Variants in PKHD1 observed in about 807,000 individuals in gnomAD.
PKHD1 encodes PKHD1 ciliary IPT domain containing fibrocystin/polyductin.
PKHD1 carries 291 observed loss-of-function variants against 412.0 expected under a neutral mutation model. The ratio of observed to expected loss-of-function variants is 0.71; its 90% confidence interval spans 0.64 to 0.78. The LOEUF (loss-of-function observed/expected upper bound fraction) is 0.78. Ranked by LOEUF, PKHD1 falls within the 30% of genes least tolerant of loss-of-function variation. The probability of loss-of-function intolerance (pLI) is 0.00; values close to 1 mark genes in which losing one functional copy is unlikely to be tolerated. For synonymous variants in PKHD1, 1,777 were observed against 1,821.5 expected (o/e 0.98, Z 0.62); for missense variants, 4,825 against 4,950.7 (o/e 0.97, Z 0.76).
intron 64 of PKHD1, 89 bp from the exon 65 acceptor site, chr6:51,632,812 A>C: frequency 1.0e-6 from 1 of 983,758 alleles, no homozygotes; most frequent in South Asian, 1.4e-5. Context: ...CATTCATAAT[A>C]GTATCTGGGA....
At chr6:51,731,618 A>C (rs1783246449) in intron 60 of PKHD1, among the ~76,000 whole-genome samples, 1 of 152,158 alleles carries the variant, frequency 6.6e-6, no homozygotes, top group Admixed American at 6.6e-5. Context: ...TTCATTTCTA[A>C]TCCTAGGAAC....
At chr6:51,731,663 G>C (rs143075994) in intron 60 of PKHD1, among the ~76,000 whole-genome samples, 31 of 152,154 alleles carry the variant, frequency 2.0e-4, no homozygotes, top group African/African-American at 7.5e-4. Flanking sequence ...ACTTATAAAA[G>C]GGTAATTTAC....
At chr6:51,690,534 T>G (rs1365593302) in intron 60 of PKHD1, among the ~76,000 whole-genome samples, 1 of 152,086 alleles carries the variant, frequency 6.6e-6, no homozygotes, top group African/African-American at 2.4e-5. Context: ...TATCTGATAT[T>G]TGATAAACCT....
At chr6:51,697,892 T>C (rs980626103) in intron 60 of PKHD1, among the ~76,000 whole-genome samples, 5 of 152,220 alleles carry the variant, frequency 3.3e-5, no homozygotes, top group African/African-American at 1.2e-4. Flanking sequence ...TAAATCCTCA[T>C]TAAGAAGTTG....
rs755643890 is a variant in PKHD1 at position 52,069,448 on chromosome 6, G to T, written c.778+9C>A. 6.3e-7 allele frequency: 1 copy of T among 1,591,702 alleles called. No individual in the cohort carries two copies. Among genetic ancestry groups the T allele is most frequent in the South Asian group, 1.1e-5 (1 of 90,612 alleles). ...AAGGGAAGGGGTACTTGGTGAAGGG[G>T]GATAGTACCTGAGTGTGTCTGGTAT... is the stretch of plus-strand genomic sequence containing the variant. On this transcript the variant is annotated intron_variant, in intron 11 of 66. Transcript: ENST00000371117.
intron 33 of PKHD1, 26 bp downstream of exon 33, chr6:52,022,773 AAT>A: frequency 1.2e-6 from 2 of 1,607,652 alleles, no homozygotes; most frequent in East Asian, 2.2e-5. Flanking sequence ...TATGCTTTAA[AAT>A]ATATGTGTGT....
intron 60 of PKHD1, among the ~76,000 whole-genome samples, chr6:51,682,008 GT>G (rs1420027611): frequency 6.6e-6 from 1 of 152,074 alleles, no homozygotes; most frequent in Non-Finnish European, 1.5e-5. Flanking sequence ...TTCAGCTTGA[GT>G]TCCTGCCAAC....
Position 52,073,991 on chromosome 6 carries a change from T to C in PKHD1, c.449-450A>G, listed in dbSNP as rs192268873. 2.6e-4 allele frequency among the ~76,000 whole-genome samples: 39 copies of C among 152,346 alleles called. No homozygotes were observed. The East Asian group carries it at 4.2e-3, about 17-fold the overall frequency. On this transcript the variant is annotated intron_variant, in intron 6 of 66. Transcript: ENST00000371117. ...CTCTGGGCATTTGCTAAAATGAACA[T>C]GTGATATGAAGAGGCTCATATCACA...
chr6:51,835,440 A>C (rs945816379), intron 51 of PKHD1, among the ~76,000 whole-genome samples: 3 of 152,198 alleles, frequency 2.0e-5, no homozygotes, highest in Non-Finnish European at 2.9e-5. Context: ...TTAATTGATT[A>C]CTTAGTAGTT....
At chr6:51,915,320 C>T (rs1363800044) in intron 37 of PKHD1, among the ~76,000 whole-genome samples, 1 of 152,038 alleles carries the variant, frequency 6.6e-6, no homozygotes, top group Admixed American at 6.6e-5. Context: ...GTAGGCAAAC[C>T]CTGTATATAA....
At chr6:51,711,107 C>T (rs557857464) in intron 60 of PKHD1, among the ~76,000 whole-genome samples, 2 of 152,294 alleles carry the variant, frequency 1.3e-5, no homozygotes, top group East Asian at 1.9e-4. Flanking sequence ...AGCATTCATA[C>T]GTGTGCAACC....
At position 51,659,674 on chromosome 6, in the gene PKHD1, A is replaced by C. The variant is rs545701882; in HGVS notation, c.10452T>G (p.Phe3484Leu). 1.2e-5 allele frequency: 19 copies of C among 1,613,714 alleles called. No individual in the cohort carries two copies. In the African/African-American group the frequency reaches 1.7e-4, roughly 15 times the overall value. ...MDQTPQVLRF[F>L]LLGNKSTSKL... ...TGGAGGTACTTTTGTTCCCCAATAG[A>C]AAAAAGCGCAAAACTTGAGGAGTTT... The change falls in exon 61 of 67, where the codon TTT becomes TTG. Residue 3484 changes from phenylalanine (F) to leucine (L), a missense_variant. Transcript: ENST00000371117.
rs117390090 is a variant in PKHD1, at chr6:51,665,485, T to A, written c.10157-5516A>T. ...AAATTAAATAATCCCACCAAACAAT[T>A]AGTCATCTCTGATAATACAAGCCTA... On this transcript the variant is annotated intron_variant, in intron 60 of 66. Coordinates refer to ENST00000371117, the MANE Select transcript of PKHD1 (RefSeq NM_138694.4). Among the ~76,000 whole-genome samples the A allele has an allele frequency of 1.6e-3, 236 of 152,216 alleles. 9 individuals carry two copies. The East Asian group carries it at 0.042, about 27-fold the overall frequency.
rs1305304437 is a variant in PKHD1 at position 51,658,965 on chromosome 6, C to T, written c.11161G>A (p.Val3721Ile). The T allele has an allele frequency of 6.2e-7, 1 of 1,609,790 alleles. No individual in the cohort carries two copies. Among genetic ancestry groups the T allele is most frequent in the Non-Finnish European group, 8.5e-7 (1 of 1,176,222 alleles). The change falls in exon 61 of 67, where the codon GTC becomes ATC. Residue 3721 changes from valine to isoleucine, a missense_variant. By Grantham distance (29) the Val-to-Ile change is conservative. Transcript: ENST00000371117. ...GALLVTQSKG[V>I]IGYGNTSSFK... ...ATTAGTACTTACCCATAGCCAATGA[C>T]TCCCTTTGACTGAGTAACTAGTAAG...
chr6:52,014,671 A>AGATG (rs1800252482), intron 34 of PKHD1, among the ~76,000 whole-genome samples: 2 of 141,506 alleles, frequency 1.4e-5, no homozygotes, highest in Non-Finnish European at 3.0e-5. Flanking sequence ...ATGGATGGAT[A>AGATG]GATGGATGGA....
intron 12 of PKHD1, among the ~76,000 whole-genome samples, chr6:52,065,641 A>G (rs1809586424): frequency 6.6e-6 from 1 of 152,218 alleles, no homozygotes; most frequent in African/African-American, 2.4e-5. Flanking sequence ...AAGACAGCTA[A>G]CAAGGGAGAG....
chr6:52,036,046 G>T (rs1381325348), intron 27 of PKHD1, among the ~76,000 whole-genome samples: 2 of 152,092 alleles, frequency 1.3e-5, no homozygotes, highest in Non-Finnish European at 2.9e-5. Context: ...TATCATTCCT[G>T]CAATCCTATA....
At chr6:51,632,771 T>G (rs1254485360) in intron 64 of PKHD1, 48 bp from the exon 65 acceptor site, 1 of 1,448,204 alleles carries the variant, frequency 6.9e-7, no homozygotes, top group East Asian at 2.3e-5. Flanking sequence ...AATAAGATGC[T>G]AATATAATTA....
At chr6:51,810,324 T>C (rs1349813204) in intron 52 of PKHD1, among the ~76,000 whole-genome samples, 1 of 152,056 alleles carries the variant, frequency 6.6e-6, no homozygotes, top group Non-Finnish European at 1.5e-5. Context: ...AAATAATCTA[T>C]GCCACATTCA....
Sources: gnomAD v4.1 joint callset for allele counts (sites outside exome capture counted in the v4.1 genomes callset) on GRCh38, gnomAD v4.1.1 for gene constraint, MANE v1.5 for transcripts, NCBI Gene and HGNC (gene_info 2026-07-23, HGNC 2026-07-21) for gene names.